WDR70: variants seen among roughly 807,000 people sequenced by gnomAD.
The protein encoded by WDR70 is WD repeat domain 70, also known as WD repeat-containing protein 70.
WDR70 carries 53 observed loss-of-function variants against 88.6 expected under a neutral mutation model. That is an observed-to-expected ratio of 0.60 (90% CI 0.48 to 0.75). WDR70 has a LOEUF of 0.75. WDR70 is among the 30% of genes least tolerant of loss of function. WDR70 has a pLI of 0.00. For missense variants in WDR70, 610 were observed against 823.2 expected, an observed-to-expected ratio of 0.74 and a Z score of 3.17; for synonymous variants, 280 against 270.0, an observed-to-expected ratio of 1.04 and a Z score of -0.36.
At chr5:37,387,062 G>A (rs1748641593) in intron 3 of WDR70, among the ~76,000 whole-genome samples, 1 of 151,142 alleles carries the variant, frequency 6.6e-6, no homozygotes, top group African/African-American at 2.4e-5. Context: ...TCGTGCCATT[G>A]CACTCCAGCC....
intron 9 of WDR70, among the ~76,000 whole-genome samples, 162 bp from the exon 10 acceptor site, chr5:37,604,902 A>G (rs57191191): frequency 0.011 from 1,626 of 152,354 alleles, 34 homozygotes; most frequent in African/African-American, 0.037. Context: ...TCATTTATAA[A>G]TAGAGAATCT....
chr5:37,386,102 T>C (rs1428958661), intron 3 of WDR70, among the ~76,000 whole-genome samples: 45 of 151,774 alleles, frequency 3.0e-4, no homozygotes, highest in Non-Finnish European at 6.5e-4. Flanking sequence ...AGTGAGCCAC[T>C]GCACCTGGCC....
intron 9 of WDR70, among the ~76,000 whole-genome samples, chr5:37,545,188 A>G (rs1741947461): frequency 6.6e-6 from 1 of 152,090 alleles, no homozygotes; most frequent in Non-Finnish European, 1.5e-5. Flanking sequence ...AAATTGTTAC[A>G]TCTTAGCAGC....
chr5:37,678,587 C>G (rs1389852917), intron 10 of WDR70, among the ~76,000 whole-genome samples: 1 of 152,228 alleles, frequency 6.6e-6, no homozygotes, highest in Non-Finnish European at 1.5e-5. Context: ...TGTAGAGTTT[C>G]TGCCGAGAGA....
chr5:37,517,527 C>T (rs922002859), intron 9 of WDR70, among the ~76,000 whole-genome samples: 3 of 152,042 alleles, frequency 2.0e-5, no homozygotes, highest in African/African-American at 4.8e-5. Flanking sequence ...ATCACCACAC[C>T]AGGCTAATTT....
chr5:37,485,386 A>G (rs1046268318), intron 8 of WDR70, among the ~76,000 whole-genome samples: 4 of 152,262 alleles, frequency 2.6e-5, no homozygotes, highest in African/African-American at 9.6e-5. Flanking sequence ...GAACAAAGTG[A>G]TATTCTGCCT....
chr5:37,463,272 GAA>G (rs55961268), intron 7 of WDR70, among the ~76,000 whole-genome samples: 98 of 144,336 alleles, frequency 6.8e-4, no homozygotes, highest in Admixed American at 6.9e-4. Context: ...ATTCTGTATC[GAA>G]AAAAAAAAAA....
intron 11 of WDR70, chr5:37,700,388 T>C (rs1436115291): frequency 6.6e-6 from 1 of 152,284 alleles, no homozygotes; most frequent in Admixed American, 6.5e-5. Context: ...GCTATGCTAA[T>C]CTTCTCTGTA....
chr5:37,498,101 C>T (rs908555933), intron 8 of WDR70, among the ~76,000 whole-genome samples: 3 of 152,228 alleles, frequency 2.0e-5, no homozygotes, highest in Non-Finnish European at 2.9e-5. Context: ...GGATTACAGG[C>T]GTGAGCCACT....
At chr5:37,620,523 A>G (rs1227674359) in intron 10 of WDR70, among the ~76,000 whole-genome samples, 1 of 152,180 alleles carries the variant, frequency 6.6e-6, no homozygotes, top group Non-Finnish European at 1.5e-5. Flanking sequence ...TTATATTGTG[A>G]CTGACTATAC....
At chr5:37,692,228 G>A (rs1008448470) in intron 10 of WDR70, among the ~76,000 whole-genome samples, 1 of 150,986 alleles carries the variant, frequency 6.6e-6, no homozygotes, top group African/African-American at 2.4e-5. Flanking sequence ...ATAATTAATA[G>A]CCTACCAACC....
chr5:37,648,637 T>A (rs1198543279), intron 10 of WDR70, among the ~76,000 whole-genome samples: 2 of 150,168 alleles, frequency 1.3e-5, no homozygotes, highest in African/African-American at 5.1e-5. Context: ...AAAATTGTGG[T>A]TGGGGACATA....
rs201051169 is a variant in WDR70 at position 37,605,013 on chromosome 5, C to T, written c.918-51C>T. 4.2e-5 allele frequency: 61 copies of T among 1,453,758 alleles called. No homozygotes were observed. The East Asian group carries it at 7.3e-4, about 17-fold the overall frequency. 90.1% of individuals were successfully genotyped at this position (1,453,758 alleles called of 1,614,324 possible). A position where few individuals can be genotyped will look rare whatever the true frequency, so the allele number is the denominator to read the frequency against. On this transcript the variant is annotated intron_variant, in intron 9 of 17. Coordinates refer to ENST00000265107, the MANE Select transcript of WDR70 (RefSeq NM_018034.4). ...GACTCTTCCCTATTTTAACCTCCCCCCTCCTTCTTTTTTTTTTTAAATAAA... is the reference window on the plus strand; with the variant it reads ...GACTCTTCCCTATTTTAACCTCCCCTCTCCTTCTTTTTTTTTTTAAATAAA...
intron 7 of WDR70, among the ~76,000 whole-genome samples, chr5:37,470,565 A>C (rs780581697): frequency 5.1e-4 from 78 of 152,328 alleles, no homozygotes; most frequent in Non-Finnish European, 9.8e-4. Context: ...AATATTACTT[A>C]AATGGGTAAA....
chr5:37,508,241 T>C (rs1740619933), intron 8 of WDR70, among the ~76,000 whole-genome samples: 1 of 152,100 alleles, frequency 6.6e-6, no homozygotes, highest in African/African-American at 2.4e-5. Flanking sequence ...GGTGAGGTCA[T>C]GAGGGTGGAT....
intron 9 of WDR70, among the ~76,000 whole-genome samples, chr5:37,536,072 TG>T (rs1741659335): frequency 6.6e-6 from 1 of 152,210 alleles, no homozygotes; most frequent in Non-Finnish European, 1.5e-5. Context: ...GAATTTCTCT[TG>T]TAGGGCACTA....
At chr5:37,679,771 A>T (rs1746366184) in intron 10 of WDR70, among the ~76,000 whole-genome samples, 1 of 152,170 alleles carries the variant, frequency 6.6e-6, no homozygotes, top group African/African-American at 2.4e-5. Flanking sequence ...GAGCTGTCAG[A>T]CCGGGACATT....
chr5:37,637,330 ATAAATAAAT>A (rs998032595), intron 10 of WDR70, among the ~76,000 whole-genome samples: 2 of 135,208 alleles, frequency 1.5e-5, no homozygotes, highest in Admixed American at 7.5e-5. Context: ...GTCTCAAAAA[ATAAATAAAT>A]TAAATAAATA....
intron 8 of WDR70, 109 bp from the exon 9 acceptor site, chr5:37,516,405 T>G: frequency 1.8e-6 from 1 of 562,752 alleles, no homozygotes; most frequent in Non-Finnish European, 3.2e-6. Context: ...TGGTGCCCTT[T>G]TGGGGGAACT....
Sources: gnomAD v4.1 joint callset for allele counts (sites outside exome capture counted in the v4.1 genomes callset) on GRCh38, gnomAD v4.1.1 for gene constraint, MANE v1.5 for transcripts, NCBI Gene and HGNC (gene_info 2026-07-23, HGNC 2026-07-21) for gene names.